The following URB1 variants were observed in gnomAD, a reference collection of about 807,000 sequenced individuals.
URB1 encodes the protein nucleolar pre-ribosomal-associated protein 1.
Under a neutral mutation model 242.3 loss-of-function variants are expected in URB1, and 197 were observed. The observed-to-expected ratio is 0.81, with a 90% CI of 0.72 to 0.91. URB1 has a LOEUF of 0.91. Ranked by LOEUF, URB1 falls within the 40% of genes least tolerant of loss-of-function variation. The pLI is 0.00. For synonymous variants in URB1, 1,153 were observed against 1,201.8 expected (o/e 0.96, Z 0.84); for missense variants, 2,721 against 2,860.5 (o/e 0.95, Z 1.11).
In URB1 at chr21:32,347,617, C is replaced by G. The variant is rs959229223; in HGVS notation, c.3207G>C (p.Leu1069=). ...CCTCTGAGTACCTGGCCAGAAGGCC[C>G]AGCTGCCCAATGTTCTGGAGGATCG... ...SAPILQNIGQ[L]GLLARYSEAI... is the part of the protein sequence containing the mutation. Residue 1069 remains leucine (L), a synonymous_variant, in exon 22 of 39, where the codon CTG becomes CTC. Coordinates refer to ENST00000382751, the MANE Select transcript of URB1 (RefSeq NM_014825.3). The G allele has an allele frequency of 1.9e-5, 29 of 1,551,710 alleles. No individual in the cohort carries two copies. Among genetic ancestry groups the G allele is most frequent in the Admixed American group, 1.6e-4 (8 of 51,014 alleles).
At chr21:32,373,957 C>A (rs572717530) in intron 6 of URB1, among the ~76,000 whole-genome samples, 185 bp from the exon 7 acceptor site, 73 of 152,212 alleles carry the variant, frequency 4.8e-4, no homozygotes, top group Admixed American at 1.4e-3. Flanking sequence ...CCCAACCATC[C>A]TAGGATATCG....
In URB1 at chr21:32,345,561, T is replaced by G. The variant is rs1406665012; in HGVS notation, c.3883A>C (p.Ile1295Leu). The G allele has an allele frequency of 1.6e-5, 24 of 1,543,398 alleles. No homozygotes were observed. Among genetic ancestry groups the G allele is most frequent in the South Asian group, 1.2e-5 (1 of 83,836 alleles). Residue 1295 changes from isoleucine (I) to leucine (L), a missense_variant, in exon 23 of 39, where the codon ATT becomes CTT. By Grantham distance (5) the Ile-to-Leu change is conservative (BLOSUM62 2). Coordinates refer to ENST00000382751, the MANE Select transcript of URB1 (RefSeq NM_014825.3). ...CACAGGGTCTTCCTCAAGACAGGAA[T>G]GACAGCGGAAGACACTAGGGCAGAG... ...TRPAGVSSAV[I>L]PVLRKTLWRQ...
At chr21:32,325,202 A>C (rs772125771) in intron 31 of URB1, 27 bp downstream of exon 31, 18 of 1,532,756 alleles carry the variant, frequency 1.2e-5, no homozygotes, top group South Asian at 4.8e-5. Flanking sequence ...CCACCCCCAC[A>C]GTAGGATGTA....
chr21:32,324,047 G>A (rs1194511080), intron 32 of URB1, among the ~76,000 whole-genome samples: 1 of 152,176 alleles, frequency 6.6e-6, no homozygotes, highest in African/African-American at 2.4e-5. Flanking sequence ...CATCTTAGAG[G>A]AGGAAACGGG....
At chr21:32,358,480 G>A (rs999758350) in intron 14 of URB1, among the ~76,000 whole-genome samples, 1 of 152,144 alleles carries the variant, frequency 6.6e-6, no homozygotes, top group Admixed American at 6.5e-5. Context: ...CTTTGAACAA[G>A]TCTTCAACAA....
At position 32,353,928 on chromosome 21, in the gene URB1, G is replaced by A; in HGVS notation, c.2416+5C>T. 6.4e-7 allele frequency: 1 copy of A among 1,551,510 alleles called. No individual in the cohort carries two copies. Among genetic ancestry groups the A allele is most frequent in the Non-Finnish European group, 8.7e-7 (1 of 1,146,918 alleles). ...AGCCAAGACATCCTGACTATACATA[G>A]GTACCTGCTTCATTGCCTGTCCCAA... is the stretch of plus-strand genomic sequence containing the variant. On this transcript the variant is annotated splice_donor_5th_base_variant and intron_variant, in intron 18 of 38. Coordinates refer to ENST00000382751, the MANE Select transcript of URB1 (RefSeq NM_014825.3).
chr21:32,338,535 AG>A, intron 26 of URB1, among the ~76,000 whole-genome samples, 171 bp downstream of exon 26: 1 of 152,218 alleles, frequency 6.6e-6, no homozygotes, highest in East Asian at 1.9e-4. Flanking sequence ...CACAAGTCAG[AG>A]GAGACATTTC....
In URB1 at chr21:32,321,799, A is replaced by G. The variant is rs1452324159; in HGVS notation, c.5484+2T>C. 4.8e-5 allele frequency: 74 copies of G among 1,551,522 alleles called. No individual in the cohort carries two copies. The highest frequency in any genetic ancestry group is 5.8e-5 in the Non-Finnish European group (67 of 1,146,992). On this transcript the variant is annotated splice_donor_variant, in intron 34 of 38. Transcript: ENST00000382751. LOFTEE classifies it high-confidence loss of function. ...TCAAATAAGCTTGCGGAACCCATGT[A>G]CCTGTGCTGCCTCGTCACACAGCGG...
At position 32,338,906 on chromosome 21, in the gene URB1, C is replaced by T. The variant is rs529351997; in HGVS notation, c.4317-6G>A. 35 of 1,525,924 alleles carry T rather than the reference C, an allele frequency of 2.3e-5. No homozygotes were observed. In the East Asian group the frequency reaches 5.0e-4, roughly 22 times the overall value. The allele number at this position is 1,525,924 out of a possible 1,614,324, so 94.5% of individuals were successfully genotyped here. On this transcript the variant is annotated splice_polypyrimidine_tract_variant and splice_region_variant and intron_variant, in intron 25 of 38. Coordinates refer to ENST00000382751, the MANE Select transcript of URB1 (RefSeq NM_014825.3). ...TGTGGTCCTGGTACCGAAATCTAGG[C>T]GGCGAGAGTCAAAGGGAAAAGAGCT...
chr21:32,336,519 G>A (rs1053695495), intron 28 of URB1, among the ~76,000 whole-genome samples: 7 of 152,120 alleles, frequency 4.6e-5, no homozygotes, highest in Non-Finnish European at 8.8e-5. Context: ...GCTTAGGTGC[G>A]GCACTTGTAA....
intron 25 of URB1, 52 bp from the exon 26 acceptor site, chr21:32,338,952 T>A (rs1268618190): frequency 7.0e-7 from 1 of 1,433,084 alleles, no homozygotes; most frequent in Non-Finnish European, 9.3e-7. Flanking sequence ...GAAAATTTAT[T>A]TTACAGGAAA....
chr21:32,322,634 C>T (rs576373608), intron 32 of URB1, 50 bp from the exon 33 acceptor site: 58 of 1,402,044 alleles, frequency 4.1e-5, no homozygotes, highest in Middle Eastern at 1.9e-4. Flanking sequence ...GCAGGACGCC[C>T]CCTGGTCTGG....
Position 32,334,087 on chromosome 21 carries a change from C to T in URB1, c.4857+76G>A, listed in dbSNP as rs539568161. 392 of 1,437,228 alleles carry T rather than the reference C, an allele frequency of 2.7e-4. 10 individuals are homozygous for T. The South Asian group carries it at 5.1e-3, about 19-fold the overall frequency. 89.0% of individuals were successfully genotyped at this position (1,437,228 alleles called of 1,614,324 possible). A position where few individuals can be genotyped will look rare whatever the true frequency, so the allele number is the denominator to read the frequency against. On this transcript the variant is annotated intron_variant, in intron 29 of 38. Coordinates refer to ENST00000382751, the MANE Select transcript of URB1 (RefSeq NM_014825.3). ...ATAAAAAGGTAAATAACAAGAAAAA[C>T]GAAGCTGAGGGTGCAGATGGAGCCC...
rs116170499 is a variant in URB1, at chr21:32,388,541, G to A, written c.143-2857C>T. Among the ~76,000 whole-genome samples the A allele has an allele frequency of 6.8e-3, 1,036 of 152,296 alleles. 19 individuals are homozygous for A. The highest frequency in any genetic ancestry group is 0.024 in the African/African-American group (1,005 of 41,552). On this transcript the variant is annotated intron_variant, in intron 1 of 38. Transcript: ENST00000382751. The stretch of plus-strand genomic sequence containing the variant: ...TATGCCAGGCGCTGCTCTGAGCTTC[G>A]GGGCCAGACTCCATTGCTGCCGTCT...
At chr21:32,391,046 G>A (rs2033631585) in intron 1 of URB1, among the ~76,000 whole-genome samples, 2 of 152,114 alleles carry the variant, frequency 1.3e-5, no homozygotes, top group Non-Finnish European at 2.9e-5. Context: ...CATAAAAAAC[G>A]ATGAGTTCAT....
chr21:32,381,963 C>G lies in URB1; in HGVS notation c.567+1459G>C, dbSNP rs1482826748. On this transcript the variant is annotated intron_variant, in intron 4 of 38. Transcript: ENST00000382751. ...TATAACATATAAGATATCTAAGATA[C>G]TTATTACAGATTACACAATGAAAGT... Among the ~76,000 whole-genome samples the G allele has an allele frequency of 2.0e-5, 3 of 152,178 alleles. No individual in the cohort carries two copies. The South Asian group carries it at 6.2e-4, about 32-fold the overall frequency.
At chr21:32,328,542 G>T (rs1041066675) in intron 30 of URB1, among the ~76,000 whole-genome samples, 1 of 152,186 alleles carries the variant, frequency 6.6e-6, no homozygotes, top group Admixed American at 6.5e-5. Flanking sequence ...TTTTACAAAA[G>T]ATGGAAGAAA....
At chr21:32,333,056 G>A in intron 30 of URB1, 1 of 439,266 alleles carries the variant, frequency 2.3e-6, no homozygotes, top group South Asian at 2.6e-5. Context: ...TTAGGAATTA[G>A]GAAAACATCA....
At chr21:32,383,823 G>A (rs2033552806) in intron 3 of URB1, among the ~76,000 whole-genome samples, 1 of 152,222 alleles carries the variant, frequency 6.6e-6, no homozygotes, top group Non-Finnish European at 1.5e-5. Context: ...GTGAGCCACT[G>A]TGTGATCAAT....
Sources: gnomAD v4.1 joint callset for allele counts (sites outside exome capture counted in the v4.1 genomes callset) on GRCh38, gnomAD v4.1.1 for gene constraint, MANE v1.5 for transcripts, NCBI Gene and HGNC (gene_info 2026-07-23, HGNC 2026-07-21) for gene names.